Variants in DPH6 observed in about 807,000 individuals in gnomAD.
DPH6 encodes the protein diphthine--ammonia ligase.
Under a neutral mutation model 38.2 loss-of-function variants are expected in DPH6, and 33 were observed. The observed-to-expected ratio is 0.86, with a 90% CI of 0.65 to 1.15. DPH6 has a LOEUF of 1.15. Ranked by LOEUF, DPH6 falls within the 50% of genes most tolerant of loss-of-function variation. The pLI is 0.00. For missense variants in DPH6, 325 were observed against 320.0 expected (o/e 1.02, Z -0.12); for synonymous variants, 108 against 103.0 (o/e 1.05, Z -0.30).
chr15:35,249,170 C>A (rs1481061889), intron 3 of DPH6, among the ~76,000 whole-genome samples: 4 of 152,078 alleles, frequency 2.6e-5, no homozygotes, highest in Non-Finnish European at 4.4e-5. Context: ...TACTGAACAA[C>A]AAGATGGCTA....
intron 2 of DPH6, among the ~76,000 whole-genome samples, chr15:35,540,094 T>G (rs2141563636): frequency 1.3e-5 from 2 of 152,248 alleles, no homozygotes; most frequent in Middle Eastern, 6.8e-3. Flanking sequence ...AGAAACATTC[T>G]GATGTTAGCA....
chr15:35,429,062 A>T (rs1178312524), intron 5 of DPH6, among the ~76,000 whole-genome samples: 11 of 152,146 alleles, frequency 7.2e-5, no homozygotes, highest in Non-Finnish European at 1.5e-5. Context: ...ATTGAGATCC[A>T]ATTGTTTACA....
At chr15:35,214,201 T>G (rs966739853), downstream of DPH6, among the ~76,000 whole-genome samples, 4 of 152,162 alleles carry the variant, frequency 2.6e-5, no homozygotes, top group African/African-American at 9.7e-5. Flanking sequence ...GATGTTACAT[T>G]GCTCATTCAG....
At chr15:35,469,700 G>T (rs115417539) in intron 3 of DPH6, among the ~76,000 whole-genome samples, 1 of 152,298 alleles carries the variant, frequency 6.6e-6, no homozygotes, top group African/African-American at 2.4e-5. Flanking sequence ...GTCATTCAAT[G>T]CAAGGTATCC....
chr15:35,404,353 T>A (rs1187340780), intron 6 of DPH6, among the ~76,000 whole-genome samples: 1 of 152,130 alleles, frequency 6.6e-6, no homozygotes, highest in African/African-American at 2.4e-5. Context: ...AGACAGCATA[T>A]GAGGGTTCCC....
chr15:35,541,482 C>G (rs1445447147), intron 2 of DPH6, among the ~76,000 whole-genome samples: 2 of 148,536 alleles, frequency 1.3e-5, no homozygotes, highest in East Asian at 3.9e-4. Context: ...AAGTATTTAG[C>G]TAGATTCCAA....
At chr15:35,180,034 T>C in the DPH6 span, among the ~76,000 whole-genome samples, 1 of 152,200 alleles carries the variant, frequency 6.6e-6, no homozygotes, top group Non-Finnish European at 1.5e-5. Flanking sequence ...AGCAAGGCTC[T>C]CTCTGGGACC....
At chr15:35,175,181 T>C in the DPH6 span, among the ~76,000 whole-genome samples, 1 of 152,334 alleles carries the variant, frequency 6.6e-6, no homozygotes, top group East Asian at 1.9e-4. Context: ...GTACATTGCC[T>C]GACCTCTGAA....
chr15:35,391,261 T>A (rs938535312), intron 6 of DPH6, among the ~76,000 whole-genome samples: 1 of 151,850 alleles, frequency 6.6e-6, no homozygotes, highest in Non-Finnish European at 1.5e-5. Context: ...TACTGGGGGG[T>A]GCCTCCCAGT....
At chr15:35,384,359 C>T (rs1001831649) in intron 6 of DPH6, among the ~76,000 whole-genome samples, 3 of 152,140 alleles carry the variant, frequency 2.0e-5, no homozygotes, top group Admixed American at 1.3e-4. Flanking sequence ...TTCATGCCAT[C>T]TATTCTTTCA....
chr15:35,520,671 T>G, intron 3 of DPH6: 4 of 985,084 alleles, frequency 4.1e-6, no homozygotes, highest in Non-Finnish European at 4.8e-6. Flanking sequence ...AATTTGAAAA[T>G]AATATCCTGA....
chr15:35,272,626 G>T (rs1353907948), intron 3 of DPH6, among the ~76,000 whole-genome samples: 1 of 151,820 alleles, frequency 6.6e-6, no homozygotes. Context: ...AAAGAATGTG[G>T]GGCCAGGCAT....
At chr15:35,436,558 T>C (rs1285251246) in intron 5 of DPH6, among the ~76,000 whole-genome samples, 5 of 148,582 alleles carry the variant, frequency 3.4e-5, no homozygotes, top group African/African-American at 9.9e-5. Flanking sequence ...CCAGCCTGGG[T>C]GACAGAAAGA....
At chr15:35,424,073 G>A (rs1958076971) in intron 5 of DPH6, among the ~76,000 whole-genome samples, 1 of 129,202 alleles carries the variant, frequency 7.7e-6, no homozygotes. Context: ...TGAATTTTGG[G>A]ATTTTTTTTT....
chr15:35,334,971 T>C (rs1005374585), intron 3 of DPH6, among the ~76,000 whole-genome samples: 7 of 152,202 alleles, frequency 4.6e-5, no homozygotes, highest in Non-Finnish European at 8.8e-5. Flanking sequence ...CTTTGAGAAA[T>C]TGCCACACCG....
chr15:35,323,217 A>G (rs944592676), intron 3 of DPH6, among the ~76,000 whole-genome samples: 1 of 152,206 alleles, frequency 6.6e-6, no homozygotes, highest in African/African-American at 2.4e-5. Flanking sequence ...CTATTTAAGG[A>G]TGATGTTATT....
At chr15:35,271,791 T>C (rs2051824131) in intron 3 of DPH6, among the ~76,000 whole-genome samples, 1 of 152,096 alleles carries the variant, frequency 6.6e-6, no homozygotes, top group African/African-American at 2.4e-5. Context: ...CGCTGCGAGG[T>C]AGAGCAAACA....
chr15:35,220,872 C>T (rs2051438176), intron 3 of DPH6, among the ~76,000 whole-genome samples: 1 of 152,138 alleles, frequency 6.6e-6, no homozygotes, highest in Non-Finnish European at 1.5e-5. Flanking sequence ...ACATTCGTTT[C>T]AACCCAACAG....
At chr15:35,211,936 A>G in the DPH6 span, among the ~76,000 whole-genome samples, 1 of 152,216 alleles carries the variant, frequency 6.6e-6, no homozygotes, top group Non-Finnish European at 1.5e-5. Context: ...TCGGCTCTAC[A>G]TACATCACCC....
Sources: gnomAD v4.1 joint callset for allele counts (sites outside exome capture counted in the v4.1 genomes callset) on GRCh38, gnomAD v4.1.1 for gene constraint, MANE v1.5 for transcripts, NCBI Gene and HGNC (gene_info 2026-07-23, HGNC 2026-07-21) for gene names.